The following KPNA4 variants were observed in gnomAD, a reference collection of about 807,000 sequenced individuals.
KPNA4 encodes the protein importin subunit alpha-3.
KPNA4 carries 13 observed loss-of-function variants against 71.3 expected under a neutral mutation model. The ratio of observed to expected loss-of-function variants is 0.18; its 90% CI spans 0.12 to 0.29. The LOEUF (loss-of-function observed/expected upper bound fraction) is 0.29, where lower values mean the gene tolerates loss of function less well. KPNA4 is among the 10% of genes least tolerant of loss of function. KPNA4 has a pLI of 1.00. For missense variants in KPNA4, 334 were observed against 603.2 expected, an observed-to-expected ratio of 0.55 and a Z score of 4.67; for synonymous variants, 189 against 195.2, an observed-to-expected ratio of 0.97 and a Z score of 0.26.
intron 1 of KPNA4, among the ~76,000 whole-genome samples, chr3:160,548,757 G>C: frequency 6.6e-6 from 1 of 152,138 alleles, no homozygotes; most frequent in East Asian, 1.9e-4. Flanking sequence ...ATAAACTAGA[G>C]TGTACAAGTA....
chr3:160,554,641 T>C (rs1722101556), intron 1 of KPNA4, among the ~76,000 whole-genome samples: 1 of 152,170 alleles, frequency 6.6e-6, no homozygotes, highest in Admixed American at 6.5e-5. Context: ...ATTGGCACTT[T>C]CAGCCCCACC....
Position 160,530,898 on chromosome 3 carries a change from A to T in KPNA4, c.426T>A (p.Ile142=), listed in dbSNP as rs1560050421. The change falls in exon 7 of 17, where the codon ATT becomes ATA. Residue 142 remains isoleucine, a synonymous_variant. Transcript: ENST00000334256. ...QFEAAWALTN[I]ASGTSEQTQA... ...GAGTTTGTTCAGAAGTTCCAGATGCAATGTTTGTCAAAGCCCATGCAGCTT... is the reference window on the plus strand; with the variant it reads ...GAGTTTGTTCAGAAGTTCCAGATGCTATGTTTGTCAAAGCCCATGCAGCTT... 1 of 1,612,894 alleles carries T rather than the reference A, an allele frequency of 6.2e-7. No homozygotes were observed. Among genetic ancestry groups the T allele is most frequent in the South Asian group, 1.1e-5 (1 of 90,822 alleles).
At chr3:160,545,372 GAGTGTTA>G (rs1343848483) in intron 1 of KPNA4, among the ~76,000 whole-genome samples, 1 of 151,750 alleles carries the variant, frequency 6.6e-6, no homozygotes, top group African/African-American at 2.4e-5. Flanking sequence ...CAAGTGTTCT[GAGTGTTA>G]AGGAGAAAAC....
chr3:160,525,955 TTGG>T lies in KPNA4; in HGVS notation c.706_708del (p.Pro236del). On this transcript the variant is annotated inframe_deletion, in exon 9 of 17. Coordinates refer to ENST00000334256, the MANE Select transcript of KPNA4 (RefSeq NM_002268.5). ...GTGTTTACCTCCTGAATGGTTTCCA[TTGG>T]TGGTGGTGGGTCTTTGTGGCGACAT... The T allele has an allele frequency of 2.5e-6, 4 of 1,580,136 alleles. No individual in the cohort carries two copies. Among genetic ancestry groups the T allele is most frequent in the Admixed American group, 1.8e-5 (1 of 55,788 alleles).
At chr3:160,561,750 A>C (rs1722249731) in intron 1 of KPNA4, among the ~76,000 whole-genome samples, 1 of 152,068 alleles carries the variant, frequency 6.6e-6, no homozygotes, top group Non-Finnish European at 1.5e-5. Context: ...TTACTTGTTC[A>C]ATGTAACAAG....
chr3:160,509,768 T>C, intron 14 of KPNA4, 32 bp downstream of exon 14: 1 of 1,316,564 alleles, frequency 7.6e-7, no homozygotes, highest in South Asian at 1.2e-5. Flanking sequence ...TTTACCAGTT[T>C]TGAGAAATAA....
At chr3:160,509,497 C>T (rs1162586240) in intron 14 of KPNA4, among the ~76,000 whole-genome samples, 2 of 152,180 alleles carry the variant, frequency 1.3e-5, no homozygotes, top group Non-Finnish European at 2.9e-5. Flanking sequence ...AAAAAGAACA[C>T]TTCTATGAAG....
chr3:160,524,057 T>C (rs1721413239), intron 10 of KPNA4, among the ~76,000 whole-genome samples: 2 of 152,202 alleles, frequency 1.3e-5, no homozygotes, highest in South Asian at 4.1e-4. Context: ...ATGTCACTAA[T>C]ATGCTCAGAT....
At position 160,499,833 on chromosome 3, in the gene KPNA4, A is replaced by G. The variant is rs1478839399; in HGVS notation, c.*2271T>C. 5.3e-5 allele frequency: 8 copies of G among 152,152 alleles called. No individual in the cohort carries two copies. The highest frequency in any genetic ancestry group is 8.8e-5 in the Non-Finnish European group (6 of 67,982). 9.4% of individuals were successfully genotyped at this position (152,152 alleles called of 1,614,324 possible). A position where few individuals can be genotyped will look rare whatever the true frequency, so the allele number is the denominator to read the frequency against. On this transcript the variant is annotated 3_prime_UTR_variant, in exon 17 of 17. Transcript: ENST00000334256. ...TCCAATTACTGAAACCTTCTGTACT[A>G]TGCTTTGTATACAATCCATCATTTG...
At chr3:160,523,108 C>G (rs1721387783) in intron 10 of KPNA4, among the ~76,000 whole-genome samples, 1 of 152,194 alleles carries the variant, frequency 6.6e-6, no homozygotes. Flanking sequence ...GTGCCTAAAA[C>G]TACTTCCAAA....
At chr3:160,521,187 T>C (rs113451260) in intron 11 of KPNA4, among the ~76,000 whole-genome samples, 1 of 151,938 alleles carries the variant, frequency 6.6e-6, no homozygotes, top group Admixed American at 6.6e-5. Context: ...AAAAAAGAAG[T>C]AGGGAAGTGA....
At chr3:160,542,906 T>C (rs1249201188) in intron 1 of KPNA4, among the ~76,000 whole-genome samples, 1 of 152,208 alleles carries the variant, frequency 6.6e-6, no homozygotes, top group Admixed American at 6.5e-5. Flanking sequence ...GAAAATTTAT[T>C]AGTACATAAA....
At chr3:160,543,861 C>CT (rs151274621) in intron 1 of KPNA4, among the ~76,000 whole-genome samples, 71 of 148,744 alleles carry the variant, frequency 4.8e-4, no homozygotes, top group Non-Finnish European at 8.4e-4. Context: ...AATCCTTGAC[C>CT]TTTTTTTTTT....
chr3:160,561,171 A>G (rs1010124215), intron 1 of KPNA4, among the ~76,000 whole-genome samples: 10 of 152,134 alleles, frequency 6.6e-5, no homozygotes, highest in African/African-American at 2.4e-4. Flanking sequence ...GTTTTCTTAA[A>G]GTTGTGTTTT....
At chr3:160,514,214 T>C in intron 12 of KPNA4, 33 bp from the exon 13 acceptor site, 1 of 1,485,200 alleles carries the variant, frequency 6.7e-7, no homozygotes, top group East Asian at 2.4e-5. Flanking sequence ...TATTTCTCAT[T>C]AAAAAATAAA....
chr3:160,539,062 T>C (rs2108555043), intron 1 of KPNA4, among the ~76,000 whole-genome samples: 1 of 152,322 alleles, frequency 6.6e-6, no homozygotes, highest in Middle Eastern at 3.4e-3. Context: ...TGCTGCTATT[T>C]CCTCAGTTTG....
chr3:160,515,079 C>T lies in KPNA4; in HGVS notation c.1032+373G>A, dbSNP rs1309459457. The T allele has an allele frequency of 9.6e-6, 5 of 519,270 alleles. No individual in the cohort carries two copies. The African/African-American group carries it at 9.6e-5, about 10-fold the overall frequency. The allele number at this position is 519,270 out of a possible 1,614,324, so 32.2% of individuals were successfully genotyped here. On this transcript the variant is annotated intron_variant, in intron 12 of 16. Transcript: ENST00000334256. ...CAATATCAGCATCACCAGTCAGTGC[C>T]CCCTTTCCATAGCCACCACAAGCAC...
chr3:160,521,635 ATTAT>A (rs1365149708), intron 11 of KPNA4, 140 bp downstream of exon 11: 6 of 751,906 alleles, frequency 8.0e-6, no homozygotes, highest in East Asian at 2.6e-5. Context: ...ATGGCATCTT[ATTAT>A]TTATTTTCCC....
intron 11 of KPNA4, among the ~76,000 whole-genome samples, chr3:160,521,490 A>G (rs1037543943): frequency 6.6e-6 from 1 of 152,080 alleles, no homozygotes; most frequent in Non-Finnish European, 1.5e-5. Context: ...GATCCCAACC[A>G]CTCAAGAGGC....
Sources: allele counts gnomAD v4.1 joint callset (sites outside exome capture counted in the v4.1 genomes callset), GRCh38; gene constraint gnomAD v4.1.1; transcripts MANE v1.5; gene names NCBI Gene and HGNC (gene_info 2026-07-23, HGNC 2026-07-21).